Variants in FANCM observed in about 807,000 individuals in gnomAD.
The protein encoded by FANCM is FA complementation group M, also known as Fanconi anemia group M protein.
FANCM carries 140 observed loss-of-function variants against 199.5 expected under a neutral mutation model. That is an observed-to-expected ratio of 0.70 (90% confidence interval 0.61 to 0.81). The LOEUF (loss-of-function observed/expected upper bound fraction) is 0.81, where lower values mean the gene tolerates loss of function less well. Ranked by LOEUF, FANCM falls within the 30% of genes least tolerant of loss-of-function variation. The pLI is 0.00. For synonymous variants in FANCM, 840 were observed against 836.8 expected, an observed-to-expected ratio of 1.00 and a Z score of -0.07; for missense variants, 2,410 against 2,421.4, an observed-to-expected ratio of 1.00 and a Z score of 0.10.
intron 21 of FANCM, among the ~76,000 whole-genome samples, chr14:45,197,418 C>T (rs73342627): frequency 6.6e-6 from 1 of 151,816 alleles, no homozygotes; most frequent in Non-Finnish European, 1.5e-5. Flanking sequence ...ATTGGTGAAC[C>T]GTGTGGCCTT....
Position 45,183,751 on chromosome 14 carries a change from A to G in FANCM, c.4387-23A>G, listed in dbSNP as rs569167025. 7 of 1,586,646 alleles carry G rather than the reference A, an allele frequency of 4.4e-6. No homozygotes were observed. In the South Asian group the frequency reaches 6.7e-5, roughly 15 times the overall value. Reference sequence around the variant, plus strand: ...GAAGAAAATATTTTTTTCTTATGCAAGAATTTTGTCGAATTATTATAGTCA... The same window carrying G: ...GAAGAAAATATTTTTTTCTTATGCAGGAATTTTGTCGAATTATTATAGTCA... On this transcript the variant is annotated intron_variant, in intron 16 of 22. Coordinates refer to ENST00000267430, the MANE Select transcript of FANCM (RefSeq NM_020937.4).
intron 14 of FANCM, among the ~76,000 whole-genome samples, chr14:45,178,260 G>A (rs1888840829): frequency 6.6e-6 from 1 of 152,162 alleles, no homozygotes; most frequent in South Asian, 2.1e-4. Context: ...GTCTGGGGTT[G>A]TGCCATGACA....
intron 2 of FANCM, among the ~76,000 whole-genome samples, chr14:45,139,468 T>G (rs569555881): frequency 6.6e-6 from 1 of 152,268 alleles, no homozygotes; most frequent in East Asian, 1.9e-4. Context: ...TCAGTCTACT[T>G]GGAAGTGCAT....
intron 3 of FANCM, among the ~76,000 whole-genome samples, chr14:45,141,666 T>C (rs940793735): frequency 6.6e-6 from 1 of 150,856 alleles, no homozygotes; most frequent in Non-Finnish European, 1.5e-5. Flanking sequence ...CTTGGCTCAC[T>C]GCAACCTCCG....
Position 45,189,358 on chromosome 14 carries a change from A to G in FANCM, c.5336A>G (p.Gln1779Arg). The change falls in exon 20 of 23, where the codon CAG (glutamine) becomes CGG (arginine). Residue 1779 changes from glutamine to arginine, a missense_variant. Physicochemically the swap from Gln to Arg is conservative, Grantham distance 43. Coordinates refer to ENST00000267430, the MANE Select transcript of FANCM (RefSeq NM_020937.4). ...GACTGTAGAAAATTTCCAGTTCCAC[A>G]GAAGGTATGGATCAAAGAAAGGAAA... is the stretch of plus-strand genomic sequence containing the variant. ...QKDCRKFPVP[Q>R]KDGSALEDSS... The G allele has an allele frequency of 6.2e-7, 1 of 1,606,980 alleles. No homozygotes were observed.
At chr14:45,145,961 AG>A in intron 3 of FANCM, among the ~76,000 whole-genome samples, 1 of 147,696 alleles carries the variant, frequency 6.8e-6, no homozygotes, top group South Asian at 2.1e-4. Flanking sequence ...TGGGAGGCTG[AG>A]GCAGGAGAAT....
chr14:45,176,534 T>C lies in FANCM; in HGVS notation c.3780T>C (p.Tyr1260=), dbSNP rs1379256127. 6.2e-7 allele frequency: 1 copy of C among 1,600,890 alleles called. No homozygotes were observed. Among genetic ancestry groups the C allele is most frequent in the Non-Finnish European group, 8.5e-7 (1 of 1,173,446 alleles). ...SDSNRPLDDL[Y]GRYLEIKEIS... is the part of the protein sequence containing the mutation. ...GCAATAGACCTCTAGATGATCTATATGGAAGGTATTTGGAAATTAAGGAGA... is the reference window on the plus strand; with the variant it reads ...GCAATAGACCTCTAGATGATCTATACGGAAGGTATTTGGAAATTAAGGAGA... The change falls in exon 14 of 23, where the codon TAT becomes TAC. Residue 1260 remains tyrosine (Y), a synonymous_variant. Coordinates refer to ENST00000267430, the MANE Select transcript of FANCM (RefSeq NM_020937.4).
At chr14:45,169,369 T>G (rs1888191565) in intron 11 of FANCM, among the ~76,000 whole-genome samples, 1 of 150,260 alleles carries the variant, frequency 6.7e-6, no homozygotes, top group Non-Finnish European at 1.5e-5. Context: ...GAGAAGCCTT[T>G]TATTTATTTA....
intron 3 of FANCM, among the ~76,000 whole-genome samples, chr14:45,147,834 A>C (rs928029889): frequency 2.6e-5 from 4 of 151,570 alleles, no homozygotes; most frequent in Middle Eastern, 6.8e-3. Context: ...CAGAGGTTGC[A>C]ATAACCTGAG....
intron 1 of FANCM, among the ~76,000 whole-genome samples, 174 bp from the exon 2 acceptor site, chr14:45,136,895 G>C (rs898787734): frequency 6.6e-6 from 1 of 152,198 alleles, no homozygotes; most frequent in African/African-American, 2.4e-5. Flanking sequence ...ATAAGTGCCA[G>C]CTTTGATATT....
chr14:45,173,573 A>G (rs940574807), intron 13 of FANCM, among the ~76,000 whole-genome samples: 1 of 152,162 alleles, frequency 6.6e-6, no homozygotes, highest in Non-Finnish European at 1.5e-5. Context: ...AGAATTATAG[A>G]TTCCTTGAGC....
intron 12 of FANCM, among the ~76,000 whole-genome samples, chr14:45,171,517 A>G (rs1401014614): frequency 6.6e-6 from 1 of 151,970 alleles, no homozygotes; most frequent in East Asian, 1.9e-4. Context: ...CCATTATATT[A>G]TTCTTAGGCC....
rs1889337538 is a variant in FANCM, at chr14:45,185,380, G to A, written c.4672+7G>A. ...CTTTCACAGGCTATAAATGGTAAAT[G>A]TTATAATGATCCTTAAAATTTTTTT... On this transcript the variant is annotated splice_region_variant and intron_variant, in intron 18 of 22. Coordinates refer to ENST00000267430, the MANE Select transcript of FANCM (RefSeq NM_020937.4). The A allele has an allele frequency of 1.3e-6, 2 of 1,525,864 alleles. No homozygotes were observed. Among genetic ancestry groups the A allele is most frequent in the African/African-American group, 1.4e-5 (1 of 72,224 alleles). 94.5% of individuals were successfully genotyped at this position (1,525,864 alleles called of 1,614,324 possible). A position where few individuals can be genotyped will look rare whatever the true frequency, so the allele number is the denominator to read the frequency against.
chr14:45,181,574 C>T (rs1889072233), intron 15 of FANCM, 50 bp downstream of exon 15: 1 of 1,519,908 alleles, frequency 6.6e-7, no homozygotes. Context: ...AGGCTATTTT[C>T]CTTTTATACC....
At position 45,200,117 on chromosome 14, in the gene FANCM, ATATTT is replaced by A. The variant is rs1364354697; in HGVS notation, c.*113_*117del. On this transcript the variant is annotated 3_prime_UTR_variant, in exon 23 of 23. Transcript: ENST00000267430. ...GTAAATAAGAGAATATTTTATTTAA[ATATTT>A]TATATTGTATACATTTTTATTTATA... 5 of 472,856 alleles carry A rather than the reference ATATTT, an allele frequency of 1.1e-5. No individual in the cohort carries two copies. Among genetic ancestry groups the A allele is most frequent in the Middle Eastern group, 7.1e-4 (1 of 1,416 alleles). 29.3% of individuals were successfully genotyped at this position (472,856 alleles called of 1,614,324 possible). A position where few individuals can be genotyped will look rare whatever the true frequency, so the allele number is the denominator to read the frequency against.
intron 17 of FANCM, 151 bp from the exon 18 acceptor site, chr14:45,185,066 A>G: frequency 1.6e-6 from 1 of 612,732 alleles, no homozygotes; most frequent in Non-Finnish European, 2.9e-6. Flanking sequence ...ACAGACATGC[A>G]TCACTGCACT....
chr14:45,155,264 TA>T (rs554079177), intron 7 of FANCM, 108 bp from the exon 8 acceptor site: 188 of 576,958 alleles, frequency 3.3e-4, no homozygotes, highest in Middle Eastern at 4.4e-4. Flanking sequence ...TTTTAAAAAT[TA>T]AAAAAAAATC....
At chr14:45,158,112 C>T (rs546060253) in intron 8 of FANCM, among the ~76,000 whole-genome samples, 5 of 152,110 alleles carry the variant, frequency 3.3e-5, no homozygotes, top group African/African-American at 4.8e-5. Context: ...GTGGGAGGAT[C>T]ACCTGAGCCC....
At chr14:45,159,442 TG>T (rs1381909442) in intron 9 of FANCM, among the ~76,000 whole-genome samples, 162 bp downstream of exon 9, 2 of 152,188 alleles carry the variant, frequency 1.3e-5, no homozygotes, top group Non-Finnish European at 2.9e-5. Context: ...TGATAACAAA[TG>T]TTTTATGTGG....
Sources: gnomAD v4.1 joint callset for allele counts (sites outside exome capture counted in the v4.1 genomes callset) on GRCh38, gnomAD v4.1.1 for gene constraint, MANE v1.5 for transcripts, NCBI Gene and HGNC (gene_info 2026-07-23, HGNC 2026-07-21) for gene names.